The following KLKB1 variants were observed in gnomAD, a reference collection of about 807,000 sequenced individuals.
The protein encoded by KLKB1 is plasma kallikrein.
In KLKB1, 58 loss-of-function variants were observed where a neutral mutation model predicts 73.6. That is an observed-to-expected ratio of 0.79 (90% confidence interval 0.64 to 0.98). KLKB1 has a LOEUF of 0.98. Ranked by LOEUF, KLKB1 falls within the 50% of genes least tolerant of loss-of-function variation. The pLI is 0.00. For missense variants in KLKB1, 737 were observed against 763.8 expected, an observed-to-expected ratio of 0.96 and a Z score of 0.41; for synonymous variants, 280 against 258.1, an observed-to-expected ratio of 1.08 and a Z score of -0.81.
Position 186,257,711 on chromosome 4 carries a change from C to T in KLKB1, c.1726-310C>T, listed in dbSNP as rs72710574. On this transcript the variant is annotated intron_variant, in intron 14 of 14. Coordinates refer to ENST00000264690, the MANE Select transcript of KLKB1 (RefSeq NM_000892.5). The stretch of plus-strand genomic sequence containing the variant: ...AAAGGGGATACGAAAAATGCAGGCA[C>T]ATGAGATACTTGGAGAACTTTAAGA... 2.6e-3 allele frequency among the ~76,000 whole-genome samples: 396 copies of T among 151,600 alleles called. 1 individual carries two copies. The highest frequency in any genetic ancestry group is 4.0e-3 in the Non-Finnish European group (273 of 67,948).
intron 11 of KLKB1, among the ~76,000 whole-genome samples, chr4:186,253,583 A>T (rs1005149599): frequency 1.3e-5 from 2 of 152,132 alleles, no homozygotes; most frequent in African/African-American, 4.8e-5. Flanking sequence ...TAATAGACAT[A>T]AAAGTGTAAT....
intron 2 of KLKB1, among the ~76,000 whole-genome samples, chr4:186,220,574 G>A (rs1448371703): frequency 6.6e-6 from 1 of 152,134 alleles, no homozygotes; most frequent in East Asian, 1.9e-4. Flanking sequence ...CTCTTCAGAT[G>A]ATCATATGAT....
rs1479881368 is a variant in KLKB1, at chr4:186,238,277, C to T, written c.510C>T (p.Tyr170=). 6.2e-7 allele frequency: 1 copy of T among 1,612,806 alleles called. No individual in the cohort carries two copies. The highest frequency in any genetic ancestry group is 8.5e-7 in the Non-Finnish European group (1 of 1,178,822). Residue 170 remains tyrosine (Y), a synonymous_variant, in exon 6 of 15, where the codon TAC becomes TAT. Coordinates refer to ENST00000264690, the MANE Select transcript of KLKB1 (RefSeq NM_000892.5). ...AEYRNNCLLK[Y]SPGGTPTAIK... ...TCAGGAACAATTGCCTATTAAAGTA[C>T]AGTCCCGGAGGAACACCTACCGCTA...
intron 12 of KLKB1, 112 bp downstream of exon 12, chr4:186,254,875 G>A: frequency 1.1e-6 from 1 of 903,782 alleles, no homozygotes; most frequent in Non-Finnish European, 1.7e-6. Flanking sequence ...TCTGACTGGT[G>A]GAGTTGAGGG....
At chr4:186,235,866 A>G (rs1737639063) in intron 4 of KLKB1, among the ~76,000 whole-genome samples, 1 of 152,056 alleles carries the variant, frequency 6.6e-6, no homozygotes, top group Admixed American at 6.5e-5. Context: ...CTGTAATCCC[A>G]GCACTTTGGG....
chr4:186,246,928 G>A (rs1265147543), intron 6 of KLKB1, among the ~76,000 whole-genome samples: 16 of 152,164 alleles, frequency 1.1e-4, no homozygotes, highest in Admixed American at 5.2e-4. Context: ...GATAAAACGC[G>A]TCTCCTCTGT....
intron 6 of KLKB1, among the ~76,000 whole-genome samples, chr4:186,245,824 G>GTTTTT (rs1402408736): frequency 0.068 from 7,366 of 108,694 alleles, 1,775 homozygotes; most frequent in Non-Finnish European, 0.1. Flanking sequence ...TTGTTTTTTG[G>GTTTTT]TTTTTTTTTT....
Position 186,257,242 on chromosome 4 carries a change from T to G in KLKB1, c.1602T>G (p.Ile534Met), listed in dbSNP as rs1396079091. Reference protein sequence around the residue: ...FSKEKGEIQNILQKVNIPLVT... With the variant: ...FSKEKGEIQNMLQKVNIPLVT... ...TACTCACAGGTGAAATCCAAAATAT[T>G]CTACAAAAGGTAAATATTCCTTTGG... The change falls in exon 14 of 15, where the codon ATT (isoleucine) becomes ATG (methionine). Residue 534 changes from isoleucine (I) to methionine (M), a missense_variant. Ile to Met is a conservative substitution (Grantham distance 10, BLOSUM62 1). Transcript: ENST00000264690. The G allele has an allele frequency of 1.9e-6, 3 of 1,590,804 alleles. No homozygotes were observed. In the South Asian group the frequency reaches 3.4e-5, roughly 18 times the overall value.
chr4:186,250,340 C>T lies in KLKB1; in HGVS notation c.696C>T (p.Thr232=), dbSNP rs771067200. The change falls in exon 7 of 15, where the codon ACC becomes ACT. Residue 232 remains threonine (T), a synonymous_variant. Coordinates refer to ENST00000264690, the MANE Select transcript of KLKB1 (RefSeq NM_000892.5). ...CTTTTGTGTGTCGGACCATCTGCAC[C>T]TATCACCCCAACTGCCTCTTCTTTA... ...PDAFVCRTIC[T]YHPNCLFFTF... 9 of 1,614,002 alleles carry T rather than the reference C, an allele frequency of 5.6e-6. No homozygotes were observed. The African/African-American group carries it at 6.7e-5, about 12-fold the overall frequency.
At chr4:186,247,205 C>G (rs373342384) in intron 6 of KLKB1, among the ~76,000 whole-genome samples, 15 of 152,216 alleles carry the variant, frequency 9.9e-5, no homozygotes, top group South Asian at 6.2e-4. Context: ...TGATCTGAGT[C>G]ACAGCACCAA....
intron 8 of KLKB1, 21 bp downstream of exon 8, chr4:186,251,349 T>A: frequency 6.5e-7 from 1 of 1,528,350 alleles, no homozygotes; most frequent in Non-Finnish European, 9.1e-7. Flanking sequence ...TTGATAATAA[T>A]ATTACATAAA....
At chr4:186,232,633 G>A (rs1432774788) in intron 3 of KLKB1, among the ~76,000 whole-genome samples, 4 of 152,184 alleles carry the variant, frequency 2.6e-5, no homozygotes, top group Admixed American at 6.5e-5. Flanking sequence ...CATTTCATCT[G>A]AATAAAGAAA....
intron 2 of KLKB1, among the ~76,000 whole-genome samples, chr4:186,214,338 C>T (rs1478334014): frequency 6.6e-6 from 1 of 152,154 alleles, no homozygotes. Context: ...AGTATATTGC[C>T]GTTTGCTTAA....
Position 186,228,258 on chromosome 4 carries a change from G to A in KLKB1, c.58+5G>A, listed in dbSNP as rs1217875279. The A allele has an allele frequency of 6.3e-7, 1 of 1,577,322 alleles. No homozygotes were observed. The highest frequency in any genetic ancestry group is 8.7e-7 in the Non-Finnish European group (1 of 1,146,650). ...TGTTTGCTACAGTTTCCTGTGGTAA[G>A]TGAATTATCTATAAAACATGGAATT... is the stretch of plus-strand genomic sequence containing the variant. On this transcript the variant is annotated splice_donor_5th_base_variant and intron_variant, in intron 2 of 14. Transcript: ENST00000264690.
intron 8 of KLKB1, 62 bp from the exon 9 acceptor site, chr4:186,251,423 CTT>C: frequency 1.3e-6 from 2 of 1,558,294 alleles, no homozygotes; most frequent in Non-Finnish European, 1.8e-6. Context: ...GTAACAGAAA[CTT>C]GTGTAAATGT....
At chr4:186,251,118 T>C (rs1034852208) in intron 7 of KLKB1, 101 bp from the exon 8 acceptor site, 3 of 733,594 alleles carry the variant, frequency 4.1e-6, no homozygotes, top group Middle Eastern at 3.2e-4. Flanking sequence ...AAGAATAAAA[T>C]TTGCTGCGTT....
intron 6 of KLKB1, among the ~76,000 whole-genome samples, chr4:186,240,427 G>C (rs1346957845): frequency 6.6e-6 from 1 of 152,098 alleles, no homozygotes; most frequent in African/African-American, 2.4e-5. Context: ...GTCATTCCTT[G>C]GTTGTGTCCC....
At chr4:186,252,467 CCCA>C (rs1223154349) in intron 11 of KLKB1, among the ~76,000 whole-genome samples, 7 of 151,870 alleles carry the variant, frequency 4.6e-5, no homozygotes, top group Non-Finnish European at 1.0e-4. Flanking sequence ...CACCACCAAT[CCCA>C]CCACCAATTC....
intron 13 of KLKB1, 80 bp downstream of exon 13, chr4:186,256,167 T>G (rs373794016): frequency 1.2e-6 from 1 of 842,676 alleles, no homozygotes; most frequent in Non-Finnish European, 2.1e-6. Flanking sequence ...TTTAATCGGT[T>G]TCTGTCTGAA....
Sources: allele counts gnomAD v4.1 joint callset (sites outside exome capture counted in the v4.1 genomes callset), GRCh38; gene constraint gnomAD v4.1.1; transcripts MANE v1.5; gene names NCBI Gene and HGNC (gene_info 2026-07-23, HGNC 2026-07-21).